Variants in HERC2 observed in about 807,000 individuals in gnomAD.
HERC2 encodes the protein HECT and RLD domain containing E3 ubiquitin protein ligase 2, also known as E3 ubiquitin-protein ligase HERC2.
Under a neutral mutation model 537.7 loss-of-function variants are expected in HERC2, and 102 were observed. That is an observed-to-expected ratio of 0.19 (90% CI 0.16 to 0.22). HERC2 has a LOEUF of 0.22. Among genes scored for constraint, HERC2 ranks in the 10% least tolerant of loss-of-function variants. The pLI is 1.00. For missense variants in HERC2, 4,236 were observed against 6,198.2 expected (o/e 0.68, Z 10.63); for synonymous variants, 2,224 against 2,466.2 (o/e 0.90, Z 2.91).
At chr15:28,207,019 A>C (rs543768396) in intron 44 of HERC2, among the ~76,000 whole-genome samples, 9 of 151,868 alleles carry the variant, frequency 5.9e-5, no homozygotes, top group African/African-American at 1.7e-4. Context: ...CAAAACAAAA[A>C]AAAAAAAACT....
chr15:28,255,528 T>C (rs1005810389), intron 19 of HERC2, among the ~76,000 whole-genome samples: 1 of 152,246 alleles, frequency 6.6e-6, no homozygotes, highest in South Asian at 2.1e-4. Context: ...GTTATATTGC[T>C]GCGACACTCA....
chr15:28,195,595 G>A (rs1897281898), intron 52 of HERC2, among the ~76,000 whole-genome samples: 1 of 151,996 alleles, frequency 6.6e-6, no homozygotes, highest in Non-Finnish European at 1.5e-5. Flanking sequence ...AATCTTATAT[G>A]GTTTCACCTA....
intron 4 of HERC2, among the ~76,000 whole-genome samples, chr15:28,290,474 C>T (rs537348856): frequency 6.6e-6 from 1 of 152,270 alleles, no homozygotes; most frequent in African/African-American, 2.4e-5. Flanking sequence ...AAGTAATCCA[C>T]CCACCTCAGC....
intron 10 of HERC2, among the ~76,000 whole-genome samples, chr15:28,270,404 C>A (rs1428794272): frequency 1.3e-5 from 2 of 152,054 alleles, no homozygotes; most frequent in South Asian, 2.1e-4. Context: ...GAACCCCCTG[C>A]AGAAGGTGGG....
At chr15:28,166,160 T>A (rs1012709099) in intron 68 of HERC2, among the ~76,000 whole-genome samples, 2 of 152,158 alleles carry the variant, frequency 1.3e-5, no homozygotes, top group Non-Finnish European at 2.9e-5. Context: ...AGGCACACCC[T>A]CCAACTCAAT....
chr15:28,273,896 G>T (rs1017530967), intron 7 of HERC2, among the ~76,000 whole-genome samples: 3 of 152,102 alleles, frequency 2.0e-5, no homozygotes, highest in Non-Finnish European at 4.4e-5. Flanking sequence ...CAGGACTAAA[G>T]AATTTGATCT....
At chr15:28,140,162 T>A (rs1891068941) in intron 78 of HERC2, among the ~76,000 whole-genome samples, 1 of 151,748 alleles carries the variant, frequency 6.6e-6, no homozygotes, top group Non-Finnish European at 1.5e-5. Context: ...CACTGTTGAC[T>A]AGAAACAGAA....
Position 28,214,285 on chromosome 15 carries a change from C to A in HERC2, c.6359-13G>T. 6.2e-7 allele frequency: 1 copy of A among 1,608,322 alleles called. No individual in the cohort carries two copies. Among genetic ancestry groups the A allele is most frequent in the Non-Finnish European group, 8.5e-7 (1 of 1,176,828 alleles). ...CTCAGCGTGGACTCTGAGGAGGAAACCAGGGGAGAAGCTGCTGCACCGCTC... is the reference window on the plus strand; with the variant it reads ...CTCAGCGTGGACTCTGAGGAGGAAAACAGGGGAGAAGCTGCTGCACCGCTC... On this transcript the variant is annotated splice_polypyrimidine_tract_variant and intron_variant, in intron 40 of 92. Coordinates refer to ENST00000261609, the MANE Select transcript of HERC2 (RefSeq NM_004667.6).
intron 7 of HERC2, chr15:28,273,266 AAAAT>A (rs2141005136): frequency 1.9e-6 from 1 of 519,016 alleles, no homozygotes; most frequent in African/African-American, 1.9e-5. Flanking sequence ...TATGAAGCAT[AAAAT>A]AATTTATCTC....
In HERC2 at chr15:28,272,929, G is replaced by C; in HGVS notation, c.876C>G (p.Ile292Met). The C allele has an allele frequency of 6.2e-7, 1 of 1,612,048 alleles. No homozygotes were observed. Among genetic ancestry groups the C allele is most frequent in the South Asian group, 1.1e-5 (1 of 91,008 alleles). The change falls in exon 8 of 93, where the codon ATC (isoleucine) becomes ATG (methionine). Residue 292 changes from isoleucine to methionine, a missense_variant. Ile to Met is a conservative substitution (Grantham distance 10, BLOSUM62 1). Transcript: ENST00000261609. ...CTCTCTGCACAGCCAGCTCCAGCAG[G>C]ATGGCCAGGGCCAAGTGCTGGTCCT... ...PLQDQHLALAILLELAVQRGT... is the reference protein window; with the variant it reads ...PLQDQHLALAMLLELAVQRGT...
At chr15:28,274,227 G>C in intron 7 of HERC2, 64 bp downstream of exon 7, 1 of 1,563,116 alleles carries the variant, frequency 6.4e-7, no homozygotes, top group Non-Finnish European at 8.7e-7. Flanking sequence ...AGCAAGGGTG[G>C]TAAGAACCAG....
intron 85 of HERC2, 92 bp from the exon 86 acceptor site, chr15:28,121,521 T>C (rs1888887344): frequency 1.9e-6 from 2 of 1,046,016 alleles, no homozygotes; most frequent in African/African-American, 1.6e-5. Context: ...AAAATCTGTG[T>C]TGAAGACCTT....
At chr15:28,298,988 T>G (rs1276048911) in intron 3 of HERC2, among the ~76,000 whole-genome samples, 3 of 152,150 alleles carry the variant, frequency 2.0e-5, no homozygotes, top group Non-Finnish European at 4.4e-5. Context: ...GTTTAGGGTG[T>G]ATACAAGCAG....
chr15:28,207,294 C>G (rs1898582753), intron 44 of HERC2, among the ~76,000 whole-genome samples: 1 of 152,020 alleles, frequency 6.6e-6, no homozygotes, highest in African/African-American at 2.4e-5. Flanking sequence ...GCCACCACGC[C>G]CGGCTAATTT....
chr15:28,167,580 T>C, intron 68 of HERC2, 107 bp downstream of exon 68: 1 of 1,350,346 alleles, frequency 7.4e-7, no homozygotes, highest in Non-Finnish European at 1.0e-6. Context: ...ACAGCCGAGG[T>C]GAATGGGATA....
At position 28,246,072 on chromosome 15, in the gene HERC2, T is replaced by G; in HGVS notation, c.3392-6A>C. The G allele has an allele frequency of 6.4e-7, 1 of 1,554,956 alleles. No homozygotes were observed. The highest frequency in any genetic ancestry group is 1.4e-5 in the African/African-American group (1 of 72,878). On this transcript the variant is annotated splice_region_variant and splice_polypyrimidine_tract_variant and intron_variant, in intron 22 of 92. Transcript: ENST00000261609. ...TAGTTCTGGAAGGAGAACACCTACA[T>G]TTAAGAAATAATAAGATTTAAATAA...
At chr15:28,190,315 G>C (rs1013152857) in intron 55 of HERC2, 4 of 151,620 alleles carry the variant, frequency 2.6e-5, no homozygotes, top group Non-Finnish European at 4.4e-5. Flanking sequence ...CACCGCGCCC[G>C]GCCAACAAAA....
chr15:28,232,529 C>T (rs1380408551), intron 30 of HERC2, among the ~76,000 whole-genome samples: 1 of 140,448 alleles, frequency 7.1e-6, no homozygotes, highest in African/African-American at 2.7e-5. Context: ...AGCCTGGCGA[C>T]AAAGCAAGAT....
At chr15:28,117,478 C>G (rs113105786) in intron 86 of HERC2, 6 of 629,202 alleles carry the variant, frequency 9.5e-6, no homozygotes, top group African/African-American at 3.6e-5. Context: ...GGCAGCACCA[C>G]CCTGGCACGG....
Sources: gnomAD v4.1 joint callset for allele counts (sites outside exome capture counted in the v4.1 genomes callset) on GRCh38, gnomAD v4.1.1 for gene constraint, MANE v1.5 for transcripts, NCBI Gene and HGNC (gene_info 2026-07-23, HGNC 2026-07-21) for gene names.